Variants in ABLIM1 observed in about 807,000 individuals in gnomAD.
ABLIM1 encodes actin binding LIM protein 1, also known as actin-binding LIM protein 1.
Under a neutral mutation model 107.0 loss-of-function variants are expected in ABLIM1, and 40 were observed. The ratio of observed to expected loss-of-function variants is 0.37; its 90% CI spans 0.29 to 0.49. The LOEUF is 0.49. ABLIM1 is among the 20% of genes least tolerant of loss of function. The pLI is 0.97. For missense variants in ABLIM1, 857 were observed against 1,008.5 expected (o/e 0.85, Z 2.04); for synonymous variants, 357 against 357.3 (o/e 1.00, Z 0.01).
chr10:114,609,097 G>A (rs2076635321), intron 1 of ABLIM1, among the ~76,000 whole-genome samples: 1 of 151,968 alleles, frequency 6.6e-6, no homozygotes, highest in African/African-American at 2.4e-5. Context: ...TCAATAACAT[G>A]GCTCATGTCA....
intron 1 of ABLIM1, among the ~76,000 whole-genome samples, chr10:114,664,019 T>C (rs1411292993): frequency 6.6e-6 from 1 of 152,202 alleles, no homozygotes; most frequent in Non-Finnish European, 1.5e-5. Flanking sequence ...GCAAACCTCA[T>C]GTTCACTGTC....
At chr10:114,673,157 C>G (rs2080326234) in intron 1 of ABLIM1, among the ~76,000 whole-genome samples, 1 of 150,824 alleles carries the variant, frequency 6.6e-6, no homozygotes, top group African/African-American at 2.4e-5. Context: ...ACTTAGGAGG[C>G]TGAGGCAGGA....
intron 1 of ABLIM1, among the ~76,000 whole-genome samples, chr10:114,719,472 G>C (rs577657803): frequency 6.6e-6 from 1 of 152,334 alleles, no homozygotes; most frequent in East Asian, 1.9e-4. Context: ...CATTTCCAGA[G>C]TGCTAGGTGA....
intron 6 of ABLIM1, among the ~76,000 whole-genome samples, chr10:114,493,638 C>A (rs950240986): frequency 6.6e-6 from 1 of 152,006 alleles, no homozygotes; most frequent in African/African-American, 2.4e-5. Context: ...TTCCTATTCA[C>A]TAGCAATAAA....
intron 1 of ABLIM1, among the ~76,000 whole-genome samples, chr10:114,735,873 G>GAAATATTAC (rs2082169141): frequency 6.6e-6 from 1 of 152,160 alleles, no homozygotes; most frequent in Non-Finnish European, 1.5e-5. Context: ...AATAGTCAAA[G>GAAATATTAC]AAATATTACA....
At chr10:114,447,142 T>G (rs1350900664) in intron 15 of ABLIM1, among the ~76,000 whole-genome samples, 1 of 152,186 alleles carries the variant, frequency 6.6e-6, no homozygotes, top group African/African-American at 2.4e-5. Flanking sequence ...CTCGCTAAAT[T>G]TTCAGTATTA....
intron 1 of ABLIM1, among the ~76,000 whole-genome samples, chr10:114,656,995 T>C (rs948998295): frequency 2.6e-5 from 4 of 152,184 alleles, no homozygotes; most frequent in Non-Finnish European, 5.9e-5. Flanking sequence ...AAAATATATA[T>C]GTAACATATC....
chr10:114,683,424 TACA>T (rs1234282693), intron 1 of ABLIM1, among the ~76,000 whole-genome samples: 1 of 152,222 alleles, frequency 6.6e-6, no homozygotes, highest in African/African-American at 2.4e-5. Flanking sequence ...ATTCATCAGT[TACA>T]GCGTGTGCCA....
At chr10:114,728,820 T>C (rs963128192) in intron 1 of ABLIM1, among the ~76,000 whole-genome samples, 1 of 152,130 alleles carries the variant, frequency 6.6e-6, no homozygotes, top group African/African-American at 2.4e-5. Flanking sequence ...ACATTTTATT[T>C]CTTAAAACAA....
At chr10:114,551,442 C>T (rs941547950) in intron 4 of ABLIM1, among the ~76,000 whole-genome samples, 3 of 151,594 alleles carry the variant, frequency 2.0e-5, no homozygotes, top group Admixed American at 2.0e-4. Flanking sequence ...GACTGGCCCA[C>T]GGCCAATCAG....
chr10:114,447,833 C>A lies in ABLIM1; in HGVS notation c.1735+47G>T, dbSNP rs765584989. 5 of 1,598,226 alleles carry A rather than the reference C, an allele frequency of 3.1e-6. No homozygotes were observed. In the African/African-American group the frequency reaches 6.7e-5, roughly 21 times the overall value. On this transcript the variant is annotated intron_variant, in intron 15 of 22. Transcript: ENST00000533213. The stretch of plus-strand genomic sequence containing the variant: ...ATGTTTTTAAGCATGTCATCTTGAG[C>A]TCTCCTAGCAGTTTGTCCCTTTGAC...
intron 1 of ABLIM1, chr10:114,613,741 A>T (rs1363001307): frequency 1.5e-6 from 2 of 1,308,862 alleles, no homozygotes; most frequent in African/African-American, 3.0e-5. Flanking sequence ...AATGTCAAAC[A>T]TTCTAGAATG....
intron 6 of ABLIM1, among the ~76,000 whole-genome samples, chr10:114,514,544 TA>T (rs2062498756): frequency 1.3e-5 from 2 of 152,082 alleles, no homozygotes; most frequent in African/African-American, 4.8e-5. Flanking sequence ...CCAACTAATT[TA>T]AAAAAATTTT....
At position 114,433,515 on chromosome 10, in the gene ABLIM1, G is replaced by C. The variant is rs2059065240; in HGVS notation, c.*2745C>G. On this transcript the variant is annotated 3_prime_UTR_variant, in exon 23 of 23. Coordinates refer to ENST00000533213, the MANE Select transcript of ABLIM1 (RefSeq NM_002313.7). ...AGATAGGAGGCTACTGGTGCTTTCT[G>C]GCAATGCATTTCTGCAAGGTGCAGT... The C allele has an allele frequency of 6.6e-6, 1 of 152,250 alleles. No homozygotes were observed. The highest frequency in any genetic ancestry group is 1.5e-5 in the Non-Finnish European group (1 of 68,064). 9.4% of individuals were successfully genotyped at this position (152,250 alleles called of 1,614,324 possible).
chr10:114,463,952 A>C (rs1359114545), intron 12 of ABLIM1, among the ~76,000 whole-genome samples: 2 of 152,140 alleles, frequency 1.3e-5, no homozygotes, highest in Non-Finnish European at 2.9e-5. Flanking sequence ...AAAGGAGAGA[A>C]GGAGAAGATT....
At chr10:114,475,564 G>C (rs879689987) in intron 8 of ABLIM1, among the ~76,000 whole-genome samples, 1 of 152,210 alleles carries the variant, frequency 6.6e-6, no homozygotes, top group Non-Finnish European at 1.5e-5. Context: ...GAGGGAATGA[G>C]CTAGAATTTA....
At position 114,435,940 on chromosome 10, in the gene ABLIM1, G is replaced by A. The variant is rs377052963; in HGVS notation, c.*320C>T. ...TCTTATCCGGACAGTCAGCACTGTT[G>A]TTGGACAACAGATAAAGGAAAAGAA... On this transcript the variant is annotated 3_prime_UTR_variant, in exon 23 of 23. Transcript: ENST00000533213. The A allele has an allele frequency of 6.3e-5, 14 of 220,890 alleles. No individual in the cohort carries two copies. Among genetic ancestry groups the A allele is most frequent in the Non-Finnish European group, 1.2e-4 (13 of 111,286 alleles). 13.7% of individuals were successfully genotyped at this position (220,890 alleles called of 1,614,324 possible). A position where few individuals can be genotyped will look rare whatever the true frequency, so the allele number is the denominator to read the frequency against.
intron 1 of ABLIM1, among the ~76,000 whole-genome samples, chr10:114,700,240 A>G (rs2081281328): frequency 6.6e-6 from 1 of 152,232 alleles, no homozygotes; most frequent in Non-Finnish European, 1.5e-5. Context: ...TCACTGAGAG[A>G]GAATGATCTA....
chr10:114,632,119 C>T (rs1228052211), intron 1 of ABLIM1: 28 of 985,234 alleles, frequency 2.8e-5, no homozygotes, highest in Non-Finnish European at 3.4e-5. Flanking sequence ...CCCGCTATCG[C>T]CCCCGCGCTC....
Sources: gnomAD v4.1 joint callset for allele counts (sites outside exome capture counted in the v4.1 genomes callset) on GRCh38, gnomAD v4.1.1 for gene constraint, MANE v1.5 for transcripts, NCBI Gene and HGNC (gene_info 2026-07-23, HGNC 2026-07-21) for gene names.